Variants in CSMD1 observed in about 807,000 individuals in gnomAD.
CSMD1 encodes CUB and sushi domain-containing protein 1.
In CSMD1, 213 loss-of-function variants were observed where a neutral mutation model predicts 417.5. That is an observed-to-expected ratio of 0.51 (90% CI 0.46 to 0.57). The LOEUF is 0.57. Among genes scored for constraint, CSMD1 ranks in the 20% least tolerant of loss-of-function variants. The pLI is 0.00. For missense variants in CSMD1, 6,923 were observed against 4,529.7 expected (o/e 1.53, Z -15.17); for synonymous variants, 2,862 against 1,736.8 (o/e 1.65, Z -16.11).
intron 7 of CSMD1, among the ~76,000 whole-genome samples, chr8:3,659,157 A>G (rs953142056): frequency 1.3e-4 from 20 of 152,210 alleles, no homozygotes; most frequent in Admixed American, 6.5e-4. Flanking sequence ...CTTGTTGCAG[A>G]TTCATGGAAT....
At chr8:4,490,752 A>G (rs924114168) in intron 2 of CSMD1, among the ~76,000 whole-genome samples, 3 of 152,222 alleles carry the variant, frequency 2.0e-5, no homozygotes, top group Non-Finnish European at 2.9e-5. Context: ...ACCCAGGGTC[A>G]GATTGTGCAC....
chr8:3,116,045 A>G (rs990272511), intron 42 of CSMD1, among the ~76,000 whole-genome samples: 2 of 152,234 alleles, frequency 1.3e-5, no homozygotes, highest in Non-Finnish European at 2.9e-5. Flanking sequence ...GAAGTGCCAT[A>G]TAACTGTAAC....
Position 3,535,764 on chromosome 8 carries a change from T to A in CSMD1, c.1344+39181A>T, listed in dbSNP as rs560186605. ...CTTCAATTATGTAGTGCTTGGCAGTTCACACCTTCCCACATGCTTTGAAAA... is the reference window on the plus strand; with the variant it reads ...CTTCAATTATGTAGTGCTTGGCAGTACACACCTTCCCACATGCTTTGAAAA... On this transcript the variant is annotated intron_variant, in intron 10 of 69. Transcript: ENST00000635120. Among the ~76,000 whole-genome samples the A allele has an allele frequency of 3.3e-5, 5 of 152,320 alleles. No individual in the cohort carries two copies. The East Asian group carries it at 9.7e-4, about 29-fold the overall frequency.
intron 15 of CSMD1, among the ~76,000 whole-genome samples, chr8:3,404,574 T>G (rs2116890684): frequency 6.6e-6 from 1 of 152,314 alleles, no homozygotes; most frequent in African/African-American, 2.4e-5. Flanking sequence ...AATTCTCAAC[T>G]GTTTATGATA....
intron 21 of CSMD1, among the ~76,000 whole-genome samples, chr8:3,348,974 G>A (rs1808204926): frequency 6.6e-6 from 1 of 152,146 alleles, no homozygotes; most frequent in Non-Finnish European, 1.5e-5. Flanking sequence ...AAAATAAAGT[G>A]GCTACATATA....
intron 1 of CSMD1, among the ~76,000 whole-genome samples, chr8:4,872,087 C>T (rs763753478): frequency 2.0e-5 from 3 of 152,096 alleles, no homozygotes; most frequent in Non-Finnish European, 4.4e-5. Context: ...GTGTCAGGCT[C>T]TGTTGTCACT....
At chr8:4,824,791 T>C (rs933707913) in intron 1 of CSMD1, among the ~76,000 whole-genome samples, 1 of 152,154 alleles carries the variant, frequency 6.6e-6, no homozygotes, top group East Asian at 1.9e-4. Flanking sequence ...AATTAGTATT[T>C]TAATGTACTC....
chr8:4,467,141 GAAAA>G lies in CSMD1; in HGVS notation c.303-47080_303-47077del, dbSNP rs1013117931. ...TCAGAGTAAAAAAAAAAAAAAAAAA[GAAAA>G]AAAAAGAAAAAACAAATGTTGACAA... On this transcript the variant is annotated intron_variant, in intron 2 of 69. Coordinates refer to ENST00000635120, the MANE Select transcript of CSMD1 (RefSeq NM_033225.6). Among the ~76,000 whole-genome samples, 77 of 119,346 alleles carry G rather than the reference GAAAA, an allele frequency of 6.5e-4. 1 individual carries two copies. The South Asian group carries it at 0.022, about 34-fold the overall frequency. 78.3% of individuals were successfully genotyped at this position (119,346 alleles called of 152,430 possible). A position where few individuals can be genotyped will look rare whatever the true frequency, so the allele number is the denominator to read the frequency against.
Position 4,398,749 on chromosome 8 carries a change from A to C in CSMD1, c.415+21204T>G, listed in dbSNP as rs7010560. On this transcript the variant is annotated intron_variant, in intron 3 of 69. Coordinates refer to ENST00000635120, the MANE Select transcript of CSMD1 (RefSeq NM_033225.6). ...ACAAATGCTAACAGATTTATCAATT[A>C]GTTTCTCATTTATCAAAATTATTGA... Among the ~76,000 whole-genome samples the C allele has an allele frequency of 2.9e-3, 438 of 152,292 alleles. 2 individuals are homozygous for C. Among genetic ancestry groups the C allele is most frequent in the African/African-American group, 0.01 (418 of 41,558 alleles).
At chr8:4,261,027 T>A (rs916466831) in intron 3 of CSMD1, among the ~76,000 whole-genome samples, 3 of 152,216 alleles carry the variant, frequency 2.0e-5, no homozygotes, top group Non-Finnish European at 4.4e-5. Flanking sequence ...AACGTAGACA[T>A]CACTTACTAT....
intron 3 of CSMD1, among the ~76,000 whole-genome samples, chr8:4,100,674 T>C (rs187732785): frequency 4.9e-4 from 74 of 152,242 alleles, no homozygotes; most frequent in African/African-American, 1.5e-3. Context: ...GGTGCTGAAA[T>C]TGCCATTCAT....
chr8:3,692,192 T>C lies in CSMD1; in HGVS notation c.1009+16222A>G, dbSNP rs1369269268. 3.9e-5 allele frequency among the ~76,000 whole-genome samples: 6 copies of C among 152,202 alleles called. No homozygotes were observed. In the East Asian group the frequency reaches 5.8e-4, roughly 15 times the overall value. ...CAACATTGTTTCTCCTGACTTTACG[T>C]TGTTATGCCCCATACACCTCAGTGT... is the stretch of plus-strand genomic sequence containing the variant. On this transcript the variant is annotated intron_variant, in intron 7 of 69. Coordinates refer to ENST00000635120, the MANE Select transcript of CSMD1 (RefSeq NM_033225.6).
rs193025282 is a variant in CSMD1 at position 3,879,599 on chromosome 8, G to C, written c.818+118304C>G. On this transcript the variant is annotated intron_variant, in intron 5 of 69. Coordinates refer to ENST00000635120, the MANE Select transcript of CSMD1 (RefSeq NM_033225.6). ...AACAATCACATAGCTATCAGAATGA[G>C]ATTTGCTTTTATTAACTGGTTTCAG... 4.6e-5 allele frequency among the ~76,000 whole-genome samples: 7 copies of C among 152,214 alleles called. No individual in the cohort carries two copies. In the East Asian group the frequency reaches 5.8e-4, roughly 13 times the overall value.
intron 38 of CSMD1, among the ~76,000 whole-genome samples, chr8:3,159,967 A>T (rs1819781093): frequency 6.6e-6 from 1 of 152,194 alleles, no homozygotes; most frequent in African/African-American, 2.4e-5. Context: ...AGCAAATATT[A>T]CAGTTTGGGA....
Position 4,357,184 on chromosome 8 carries a change from T to C in CSMD1, c.415+62769A>G, listed in dbSNP as rs370918710. Among the ~76,000 whole-genome samples, 20 of 152,264 alleles carry C rather than the reference T, an allele frequency of 1.3e-4. No homozygotes were observed. In the South Asian group the frequency reaches 3.9e-3, roughly 30 times the overall value. On this transcript the variant is annotated intron_variant, in intron 3 of 69. Coordinates refer to ENST00000635120, the MANE Select transcript of CSMD1 (RefSeq NM_033225.6). ...AATATGGTACGCAAATGCTCACACA[T>C]GTAGTGTGTTCTTAAGTAGCTAAGG...
intron 2 of CSMD1, among the ~76,000 whole-genome samples, chr8:4,632,746 G>A (rs934474518): frequency 1.3e-5 from 2 of 152,186 alleles, no homozygotes; most frequent in African/African-American, 4.8e-5. Context: ...TGCACACAAA[G>A]AAAATGTACG....
chr8:4,052,818 A>G (rs1387452700), intron 3 of CSMD1, among the ~76,000 whole-genome samples: 1 of 152,140 alleles, frequency 6.6e-6, no homozygotes, highest in African/African-American at 2.4e-5. Context: ...AACTGTGCAG[A>G]TTTGGGGCAG....
chr8:4,762,311 A>T (rs1812163997), intron 1 of CSMD1, among the ~76,000 whole-genome samples: 1 of 152,102 alleles, frequency 6.6e-6, no homozygotes. Flanking sequence ...ATAGCTGTTT[A>T]CTGGTATAAC....
chr8:4,891,799 G>A (rs1363875534), intron 1 of CSMD1, among the ~76,000 whole-genome samples: 2 of 152,060 alleles, frequency 1.3e-5, no homozygotes, highest in Non-Finnish European at 2.9e-5. Context: ...AACCCATGTA[G>A]TCTAACTTAA....
Sources: gnomAD v4.1 joint callset for allele counts (sites outside exome capture counted in the v4.1 genomes callset) on GRCh38, gnomAD v4.1.1 for gene constraint, MANE v1.5 for transcripts, NCBI Gene and HGNC (gene_info 2026-07-23, HGNC 2026-07-21) for gene names.